The following ESYT3 variants were observed in gnomAD, a reference collection of about 807,000 sequenced individuals.
ESYT3 encodes the protein extended synaptotagmin 3, also known as extended synaptotagmin-3.
ESYT3 carries 101 observed loss-of-function variants against 111.5 expected under a neutral mutation model. That is an observed-to-expected ratio of 0.91 (90% CI 0.77 to 1.07). The LOEUF (loss-of-function observed/expected upper bound fraction) is 1.07. ESYT3 is among the 50% of genes least tolerant of loss of function. The pLI, the probability that ESYT3 is intolerant of heterozygous loss-of-function variation, is 0.00. For missense variants in ESYT3, 1,097 were observed against 1,109.4 expected, an observed-to-expected ratio of 0.99 and a Z score of 0.16; for synonymous variants, 416 against 446.8, an observed-to-expected ratio of 0.93 and a Z score of 0.87.
chr3:138,468,530 C>T (rs2033050798), intron 12 of ESYT3, 125 bp from the exon 13 acceptor site: 1 of 928,666 alleles, frequency 1.1e-6, no homozygotes, highest in African/African-American at 1.6e-5. Flanking sequence ...GTGAGAGGTC[C>T]TCCGGCAGCT....
chr3:138,458,775 C>G (rs1475773307), intron 4 of ESYT3, among the ~76,000 whole-genome samples: 1 of 152,204 alleles, frequency 6.6e-6, no homozygotes, highest in Non-Finnish European at 1.5e-5. Flanking sequence ...GCTTCTGTGT[C>G]CCCATGAAAG....
At chr3:138,451,627 C>T (rs1454203684) in intron 1 of ESYT3, among the ~76,000 whole-genome samples, 1 of 152,192 alleles carries the variant, frequency 6.6e-6, no homozygotes, top group East Asian at 1.9e-4. Flanking sequence ...CAGTTTCCAG[C>T]CCTCCCTTTC....
At chr3:138,457,746 G>T in intron 4 of ESYT3, 102 bp downstream of exon 4, 1 of 1,145,138 alleles carries the variant, frequency 8.7e-7, no homozygotes, top group South Asian at 1.3e-5. Context: ...GACTTGGGAT[G>T]TGGAACCCCT....
intron 1 of ESYT3, among the ~76,000 whole-genome samples, chr3:138,438,533 C>G (rs1051456407): frequency 1.3e-4 from 20 of 152,242 alleles, no homozygotes; most frequent in African/African-American, 4.8e-4. Flanking sequence ...TCCCCACTGC[C>G]ATCCAAGGCA....
intron 19 of ESYT3, 36 bp downstream of exon 19, chr3:138,473,670 A>G (rs2033351675): frequency 6.4e-7 from 1 of 1,569,776 alleles, no homozygotes; most frequent in Non-Finnish European, 8.8e-7. Flanking sequence ...GTCCTTTGGG[A>G]GCATCAGGTG....
chr3:138,469,265 C>T lies in ESYT3; in HGVS notation c.1435-171C>T, dbSNP rs142628328. 536 of 632,482 alleles carry T rather than the reference C, an allele frequency of 8.5e-4. 3 individuals carry two copies. In the African/African-American group the frequency reaches 9.1e-3, roughly 11 times the overall value. The allele number at this position is 632,482 out of a possible 1,614,324, so 39.2% of individuals were successfully genotyped here. ...CTGGGGTTGGTCCTGTCCTGGGGCT[C>T]GCACAGTAATGACAGCCCAGGGGGA... On this transcript the variant is annotated intron_variant, in intron 14 of 22. Coordinates refer to ENST00000389567, the MANE Select transcript of ESYT3 (RefSeq NM_031913.5).
intron 8 of ESYT3, among the ~76,000 whole-genome samples, chr3:138,464,118 G>T (rs35270255): frequency 0.046 from 6,964 of 152,318 alleles, 472 homozygotes; most frequent in East Asian, 0.37. Flanking sequence ...GGCAGGGAGT[G>T]TGGAGGCCAG....
chr3:138,453,279 A>C (rs1050678015), intron 2 of ESYT3, among the ~76,000 whole-genome samples: 1 of 152,158 alleles, frequency 6.6e-6, no homozygotes, highest in Non-Finnish European at 1.5e-5. Context: ...GGCCTATACA[A>C]GGCGTTGGAG....
chr3:138,441,954 T>C (rs2031183793), intron 1 of ESYT3, among the ~76,000 whole-genome samples: 1 of 152,144 alleles, frequency 6.6e-6, no homozygotes, highest in African/African-American at 2.4e-5. Flanking sequence ...CGAGAAGCCC[T>C]GTGCCAGTGT....
At chr3:138,441,978 C>A (rs1475723899) in intron 1 of ESYT3, among the ~76,000 whole-genome samples, 1 of 152,030 alleles carries the variant, frequency 6.6e-6, no homozygotes, top group Non-Finnish European at 1.5e-5. Context: ...GAGTCATGAG[C>A]CTTGGAAATC....
chr3:138,473,201 G>T, intron 18 of ESYT3: 1 of 1,078,090 alleles, frequency 9.3e-7, no homozygotes, highest in Non-Finnish European at 1.2e-6. Context: ...GTTTACTATG[G>T]GCTTAGCATG....
At chr3:138,449,668 C>T (rs754076715) in intron 1 of ESYT3, among the ~76,000 whole-genome samples, 2 of 152,080 alleles carry the variant, frequency 1.3e-5, no homozygotes, top group Non-Finnish European at 2.9e-5. Context: ...CAAAACAACC[C>T]GGGCCAAAGG....
At chr3:138,473,306 A>C in intron 18 of ESYT3, 1 of 648,002 alleles carries the variant, frequency 1.5e-6, no homozygotes, top group Non-Finnish European at 2.4e-6. Context: ...AGGAATCATG[A>C]TACAAAGGCA....
rs769622112 is a variant in ESYT3 at position 138,476,458 on chromosome 3, T to C, written c.2590T>C (p.Ser864Pro). 4 of 1,614,002 alleles carry C rather than the reference T, an allele frequency of 2.5e-6. No homozygotes were observed. Among genetic ancestry groups the C allele is most frequent in the Middle Eastern group, 3.4e-4 (2 of 5,950 alleles). The change falls in exon 22 of 23, where the codon TCA (serine) becomes CCA (proline). Residue 864 changes from serine (S) to proline (P), a missense_variant. Coordinates refer to ENST00000389567, the MANE Select transcript of ESYT3 (RefSeq NM_031913.5). ...KELGKVLIDL[S>P]KEDLIKGFSQ... Reference sequence around the variant, plus strand: ...GATTATTTAGGTACTGATTGACTTATCAAAAGAAGATCTGATTAAGGGCTT... The same window carrying C: ...GATTATTTAGGTACTGATTGACTTACCAAAAGAAGATCTGATTAAGGGCTT...
chr3:138,468,146 G>C lies in ESYT3; in HGVS notation c.1260G>C (p.Leu420=), dbSNP rs762069239. The C allele has an allele frequency of 1.2e-6, 2 of 1,614,196 alleles. No individual in the cohort carries two copies. Among genetic ancestry groups the C allele is most frequent in the South Asian group, 2.2e-5 (2 of 91,084 alleles). ...LNDTTSGRLH[L]RLEWLSLLTD... is the part of the protein sequence containing the mutation. ...ACACAACCAGCGGGCGGCTGCACCT[G>C]CGGCTGGAGTGGCTTTCATTGCTTA... The change falls in exon 12 of 23, where the codon CTG becomes CTC. Residue 420 remains leucine, a synonymous_variant. Coordinates refer to ENST00000389567, the MANE Select transcript of ESYT3 (RefSeq NM_031913.5).
intron 10 of ESYT3, 52 bp from the exon 11 acceptor site, chr3:138,467,509 T>C: frequency 6.3e-7 from 1 of 1,589,580 alleles, no homozygotes; most frequent in Non-Finnish European, 8.6e-7. Context: ...CCATGCCCTC[T>C]GCTGCTTTCT....
chr3:138,476,425 T>C lies in ESYT3; in HGVS notation c.2575-18T>C. ...ATGCAGTGTTTTGGAGGGGAACTAATTATTTGTGATTATTTAGGTACTGAT... is the reference window on the plus strand; with the variant it reads ...ATGCAGTGTTTTGGAGGGGAACTAACTATTTGTGATTATTTAGGTACTGAT... On this transcript the variant is annotated intron_variant, in intron 21 of 22. Transcript: ENST00000389567. 1 of 1,613,110 alleles carries C rather than the reference T, an allele frequency of 6.2e-7. No homozygotes were observed. The highest frequency in any genetic ancestry group is 8.5e-7 in the Non-Finnish European group (1 of 1,179,114).
intron 18 of ESYT3, chr3:138,473,315 C>A: frequency 1.6e-6 from 1 of 629,632 alleles, no homozygotes; most frequent in Non-Finnish European, 2.5e-6. Context: ...GATACAAAGG[C>A]AGATTCCACT....
chr3:138,460,377 C>T (rs2032556320), intron 6 of ESYT3, among the ~76,000 whole-genome samples: 1 of 152,040 alleles, frequency 6.6e-6, no homozygotes, highest in African/African-American at 2.4e-5. Flanking sequence ...ACAGCCCCTG[C>T]CCCATCCTGA....
Sources: gnomAD v4.1 joint callset for allele counts (sites outside exome capture counted in the v4.1 genomes callset) on GRCh38, gnomAD v4.1.1 for gene constraint, MANE v1.5 for transcripts, NCBI Gene and HGNC (gene_info 2026-07-23, HGNC 2026-07-21) for gene names.